Variants in WDR72 observed in about 807,000 individuals in gnomAD.
WDR72 encodes WD repeat domain 72, also known as WD repeat-containing protein 72.
WDR72 carries 120 observed loss-of-function variants against 124.2 expected under a neutral mutation model. That is an observed-to-expected ratio of 0.97 (90% CI 0.83 to 1.12). The LOEUF (loss-of-function observed/expected upper bound fraction) is 1.12, where lower values mean the gene tolerates loss of function less well. Ranked by LOEUF, WDR72 falls within the 50% of genes most tolerant of loss-of-function variation. The pLI, the probability that WDR72 is intolerant of heterozygous loss-of-function variation, is 0.00. For synonymous variants in WDR72, 452 were observed against 441.7 expected (o/e 1.02, Z -0.29); for missense variants, 1,387 against 1,278.8 (o/e 1.08, Z -1.29).
chr15:53,709,372 C>A (rs74508253), intron 9 of WDR72, among the ~76,000 whole-genome samples: 2,100 of 152,276 alleles, frequency 0.014, 54 homozygotes, highest in African/African-American at 0.048. Context: ...ACAAGAATTA[C>A]TGGTAAAAGA....
chr15:53,711,494 G>T lies in WDR72; in HGVS notation c.712-13C>A. The T allele has an allele frequency of 6.2e-7, 1 of 1,613,720 alleles. No homozygotes were observed. The highest frequency in any genetic ancestry group is 8.5e-7 in the Non-Finnish European group (1 of 1,179,920). On this transcript the variant is annotated splice_polypyrimidine_tract_variant and intron_variant, in intron 7 of 19. Coordinates refer to ENST00000360509, the MANE Select transcript of WDR72 (RefSeq NM_182758.4). ...AATAATCATAAACCTAAAATATGAA[G>T]TTGATGCACATTATCAAAGGCTTAA...
chr15:53,570,262 ATT>A (rs34458553), intron 18 of WDR72, among the ~76,000 whole-genome samples: 4,753 of 146,458 alleles, frequency 0.032, 194 homozygotes, highest in African/African-American at 0.1. Flanking sequence ...CTCATATACC[ATT>A]TTTTTTTTTT....
upstream of WDR72, among the ~76,000 whole-genome samples, chr15:53,759,965 C>T (rs527417): frequency 0.56 from 84,698 of 150,580 alleles, 24,462 homozygotes; most frequent in Middle Eastern, 0.7. Context: ...CAAAAGAGCC[C>T]AGGTGACGTG....
rs999888696 is a variant in WDR72 at position 53,587,435 on chromosome 15, C to T, written c.3148+9644G>A. ...TCAATAGCAGTGGTCTTATGTATACCACAGCATATTATATAACAGTATGTT... is the reference window on the plus strand; with the variant it reads ...TCAATAGCAGTGGTCTTATGTATACTACAGCATATTATATAACAGTATGTT... On this transcript the variant is annotated intron_variant, in intron 18 of 19. Transcript: ENST00000360509. Among the ~76,000 whole-genome samples, 20 of 152,026 alleles carry T rather than the reference C, an allele frequency of 1.3e-4. 1 individual carries two copies. The highest frequency in any genetic ancestry group is 1.2e-3 in the Admixed American group (18 of 15,258).
chr15:53,604,454 C>A (rs1269840192), intron 17 of WDR72, among the ~76,000 whole-genome samples: 1 of 152,078 alleles, frequency 6.6e-6, no homozygotes, highest in Non-Finnish European at 1.5e-5. Flanking sequence ...CCAAAAGCAA[C>A]TGCAACAAAA....
rs1474301134 is a variant in WDR72, at chr15:53,699,939, C to A, written c.1576G>T (p.Gly526Cys). ...LMSPEKFKLR[G>C]EQIICCVCGD... ...CACACACAGCAAATTATCTGCTCAC[C>A]CCTTAGCTGTGAAAAAACAACATGC... is the stretch of plus-strand genomic sequence containing the variant. The change falls in exon 13 of 20, where the codon GGT (glycine) becomes TGT (cysteine). Residue 526 changes from glycine to cysteine, a missense_variant. Physicochemically the swap from Gly to Cys is radical, Grantham distance 159 (BLOSUM62 -3). Coordinates refer to ENST00000360509, the MANE Select transcript of WDR72 (RefSeq NM_182758.4). 6.2e-7 allele frequency: 1 copy of A among 1,614,022 alleles called. No homozygotes were observed. Among genetic ancestry groups the A allele is most frequent in the African/African-American group, 1.3e-5 (1 of 74,914 alleles).
intron 2 of WDR72, among the ~76,000 whole-genome samples, chr15:53,723,613 G>T (rs960546596): frequency 1.4e-4 from 22 of 152,116 alleles, no homozygotes; most frequent in African/African-American, 5.3e-4. Flanking sequence ...ATCCATGGGG[G>T]ACTGGTTCCA....
At chr15:53,524,453 T>G (rs1411977286) in intron 18 of WDR72, among the ~76,000 whole-genome samples, 1 of 152,110 alleles carries the variant, frequency 6.6e-6, no homozygotes, top group Non-Finnish European at 1.5e-5. Context: ...AGGCTGAGAC[T>G]GTGCTACTTC....
chr15:53,672,012 C>T (rs2140462296), intron 13 of WDR72, among the ~76,000 whole-genome samples: 1 of 149,428 alleles, frequency 6.7e-6, no homozygotes, highest in South Asian at 2.1e-4. Context: ...AGAGAGAGAG[C>T]ACTTACAACT....
chr15:53,692,826 A>G (rs2016885029), intron 13 of WDR72, among the ~76,000 whole-genome samples: 1 of 152,210 alleles, frequency 6.6e-6, no homozygotes, highest in African/African-American at 2.4e-5. Flanking sequence ...ATGTCGAGTA[A>G]TAACATCAGT....
chr15:53,599,410 C>T (rs370784504), intron 17 of WDR72, among the ~76,000 whole-genome samples: 57 of 152,188 alleles, frequency 3.7e-4, no homozygotes, highest in Non-Finnish European at 5.4e-4. Context: ...TATTCCACCA[C>T]GACAGTTACC....
chr15:53,518,610 G>A (rs1891599349), intron 19 of WDR72, among the ~76,000 whole-genome samples: 1 of 151,776 alleles, frequency 6.6e-6, no homozygotes, highest in South Asian at 2.1e-4. Context: ...TAAGAAGTGT[G>A]TTCTCAATGG....
chr15:53,544,843 T>C (rs1893361234), intron 18 of WDR72, among the ~76,000 whole-genome samples: 1 of 151,910 alleles, frequency 6.6e-6, no homozygotes, highest in Non-Finnish European at 1.5e-5. Flanking sequence ...CATACAAAAA[T>C]CACAAACATT....
chr15:53,529,049 A>G (rs1335647942), intron 18 of WDR72, among the ~76,000 whole-genome samples: 1 of 151,442 alleles, frequency 6.6e-6, no homozygotes, highest in Non-Finnish European at 1.5e-5. Flanking sequence ...AAATGTCCAA[A>G]AACTTCTTAT....
At chr15:53,530,732 G>C (rs1292620952) in intron 18 of WDR72, among the ~76,000 whole-genome samples, 1 of 152,042 alleles carries the variant, frequency 6.6e-6, no homozygotes, top group Non-Finnish European at 1.5e-5. Context: ...TTTGAGACTA[G>C]AGATAAACAT....
intron 14 of WDR72, among the ~76,000 whole-genome samples, chr15:53,644,934 T>A (rs1235785681): frequency 1.3e-5 from 2 of 152,162 alleles, no homozygotes; most frequent in South Asian, 2.1e-4. Flanking sequence ...GCATCCATTT[T>A]CAGCTAAGTG....
rs143223360 is a variant in WDR72 at position 53,754,325 on chromosome 15, T to C, written c.-13+5308A>G. ...TAATACACAATGTGAGATTTCCACA[T>C]TGGGGTGACTGCAATGCAGTTTATG... On this transcript the variant is annotated intron_variant, in intron 1 of 19. Coordinates refer to ENST00000360509, the MANE Select transcript of WDR72 (RefSeq NM_182758.4). Among the ~76,000 whole-genome samples the C allele has an allele frequency of 2.0e-5, 3 of 152,210 alleles. No individual in the cohort carries two copies. The East Asian group carries it at 5.8e-4, about 29-fold the overall frequency.
intron 7 of WDR72, among the ~76,000 whole-genome samples, 166 bp downstream of exon 7, chr15:53,712,606 A>AG (rs1403840495): frequency 4.1e-5 from 2 of 48,926 alleles, no homozygotes; most frequent in African/African-American, 1.2e-4. Flanking sequence ...CCCCACCGCC[A>AG]AAAAAAAAAA....
intron 13 of WDR72, among the ~76,000 whole-genome samples, chr15:53,669,109 G>C (rs2015900089): frequency 6.6e-6 from 1 of 151,990 alleles, no homozygotes; most frequent in Non-Finnish European, 1.5e-5. Flanking sequence ...ACTTTTCTTG[G>C]AGTAGTATTA....
Sources: gnomAD v4.1 joint callset for allele counts (sites outside exome capture counted in the v4.1 genomes callset) on GRCh38, gnomAD v4.1.1 for gene constraint, MANE v1.5 for transcripts, NCBI Gene and HGNC (gene_info 2026-07-23, HGNC 2026-07-21) for gene names.